The following CTNNA2 variants were observed in gnomAD, a reference collection of about 807,000 sequenced individuals.
CTNNA2 encodes the protein catenin alpha 2.
A neutral mutation model predicts 101.0 loss-of-function variants in CTNNA2; 42 were observed. The observed-to-expected ratio is 0.42, with a 90% CI of 0.32 to 0.54. CTNNA2 has a LOEUF of 0.54. CTNNA2 is among the 20% of genes least tolerant of loss of function. The pLI, the probability that CTNNA2 is intolerant of heterozygous loss-of-function variation, is 0.14. For missense variants in CTNNA2, 871 were observed against 1,223.1 expected, an observed-to-expected ratio of 0.71 and a Z score of 4.29; for synonymous variants, 450 against 456.4, an observed-to-expected ratio of 0.99 and a Z score of 0.18.
chr2:80,510,738 G>A (rs1490629078), intron 9 of CTNNA2, among the ~76,000 whole-genome samples: 1 of 152,186 alleles, frequency 6.6e-6, no homozygotes, highest in Admixed American at 6.5e-5. Flanking sequence ...TTAGGTTTCA[G>A]GGAAAGAATA....
In CTNNA2 at chr2:80,107,628, C is replaced by T. The variant is rs549442806; in HGVS notation, c.1056+197831C>T. ...GATGCCGAACAGAGCTCAGGACTCACGGAGTGTGGTGCCCAACAAAGGCTG... is the reference window on the plus strand; with the variant it reads ...GATGCCGAACAGAGCTCAGGACTCATGGAGTGTGGTGCCCAACAAAGGCTG... On this transcript the variant is annotated intron_variant, in intron 7 of 18. Transcript: ENST00000402739. 1.5e-4 allele frequency among the ~76,000 whole-genome samples: 23 copies of T among 152,364 alleles called. No individual in the cohort carries two copies. The South Asian group carries it at 3.9e-3, about 26-fold the overall frequency.
At chr2:79,910,560 T>A (rs1293881849) in intron 7 of CTNNA2, among the ~76,000 whole-genome samples, 1 of 152,212 alleles carries the variant, frequency 6.6e-6, no homozygotes, top group African/African-American at 2.4e-5. Flanking sequence ...GTGGATGATC[T>A]GTGCTTCCCC....
rs1281906645 is a variant in CTNNA2 at position 80,092,592 on chromosome 2, A to AT, written c.1056+182796dup. Among the ~76,000 whole-genome samples the AT allele has an allele frequency of 2.6e-5, 4 of 152,238 alleles. No individual in the cohort carries two copies. In the East Asian group the frequency reaches 7.7e-4, roughly 29 times the overall value. ...GTTAAGAGCATTGCTTCATTTCAAC[A>AT]TATCCTTTTTCAACATAGAAGACTG... On this transcript the variant is annotated intron_variant, in intron 7 of 18. Coordinates refer to ENST00000402739, the MANE Select transcript of CTNNA2 (RefSeq NM_001282597.3).
chr2:80,299,902 C>G (rs1272825559), intron 7 of CTNNA2, among the ~76,000 whole-genome samples: 1 of 152,154 alleles, frequency 6.6e-6, no homozygotes, highest in African/African-American at 2.4e-5. Context: ...ATTCCTGTAG[C>G]CTTCCTATGA....
chr2:80,128,530 C>T (rs1558834753), intron 7 of CTNNA2, among the ~76,000 whole-genome samples: 2 of 152,086 alleles, frequency 1.3e-5, no homozygotes, highest in Non-Finnish European at 2.9e-5. Context: ...AGTTAAAAGA[C>T]GGATAAATAA....
chr2:80,410,004 C>G (rs1679423051), intron 8 of CTNNA2, among the ~76,000 whole-genome samples: 1 of 152,156 alleles, frequency 6.6e-6, no homozygotes, highest in African/African-American at 2.4e-5. Context: ...AGGCACACAG[C>G]CTTCAAAGTC....
At chr2:79,313,016 C>T (rs558504314) in intron 3 of CTNNA2, among the ~76,000 whole-genome samples, 15 of 152,298 alleles carry the variant, frequency 9.8e-5, no homozygotes, top group Middle Eastern at 3.4e-3. Flanking sequence ...GTATTGGTCA[C>T]GTTTGTATCT....
At chr2:79,544,593 G>A (rs561129712) in intron 1 of CTNNA2, among the ~76,000 whole-genome samples, 2 of 152,252 alleles carry the variant, frequency 1.3e-5, no homozygotes, top group South Asian at 2.1e-4. Context: ...TTATGAAAGT[G>A]CAGGGACATA....
At chr2:80,087,129 A>G (rs1015552989) in intron 7 of CTNNA2, among the ~76,000 whole-genome samples, 2 of 152,050 alleles carry the variant, frequency 1.3e-5, no homozygotes, top group African/African-American at 2.4e-5. Flanking sequence ...TATAAAAGGC[A>G]GGCTGAACAG....
At chr2:80,058,766 A>G (rs1360426890) in intron 7 of CTNNA2, among the ~76,000 whole-genome samples, 1 of 152,102 alleles carries the variant, frequency 6.6e-6, no homozygotes, top group Non-Finnish European at 1.5e-5. Flanking sequence ...GCAACCACAG[A>G]GGTACAATGA....
chr2:79,749,199 G>T (rs901122044), intron 3 of CTNNA2, among the ~76,000 whole-genome samples: 7 of 151,996 alleles, frequency 4.6e-5, no homozygotes, highest in Non-Finnish European at 7.4e-5. Context: ...CATAGACAAG[G>T]AATGAATCTC....
At chr2:79,243,672 G>C (rs1674663072) in intron 2 of CTNNA2, among the ~76,000 whole-genome samples, 3 of 152,214 alleles carry the variant, frequency 2.0e-5, no homozygotes, top group Admixed American at 6.5e-5. Context: ...GAGAAGTGCA[G>C]AGCACTACAG....
At chr2:79,244,295 T>C (rs73938146) in intron 2 of CTNNA2, among the ~76,000 whole-genome samples, 5,497 of 152,350 alleles carry the variant, frequency 0.036, 274 homozygotes, top group African/African-American at 0.11. Flanking sequence ...TCATTGCTGC[T>C]GTGTGGACAA....
chr2:80,492,613 G>A (rs1189079291), intron 9 of CTNNA2, among the ~76,000 whole-genome samples: 1 of 152,090 alleles, frequency 6.6e-6, no homozygotes, highest in Non-Finnish European at 1.5e-5. Flanking sequence ...GCCTTTGATG[G>A]CCTAGCTTCT....
intron 9 of CTNNA2, among the ~76,000 whole-genome samples, chr2:80,534,561 C>T (rs1690825979): frequency 6.6e-6 from 1 of 152,112 alleles, no homozygotes; most frequent in South Asian, 2.1e-4. Context: ...GGGATTCTGT[C>T]CTGCAAGAAT....
intron 4 of CTNNA2, among the ~76,000 whole-genome samples, chr2:79,469,094 G>T (rs439771): frequency 0.68 from 101,600 of 149,694 alleles, 35,068 homozygotes; most frequent in African/African-American, 0.83. Flanking sequence ...CCAGGAGCTG[G>T]TTTGTTGAAA....
chr2:79,442,186 T>G (rs1034275113), intron 4 of CTNNA2, among the ~76,000 whole-genome samples: 2 of 152,232 alleles, frequency 1.3e-5, no homozygotes, highest in Non-Finnish European at 2.9e-5. Context: ...ATCCAACAAT[T>G]AGCACAAATC....
intron 7 of CTNNA2, among the ~76,000 whole-genome samples, chr2:80,218,728 A>T (rs547747824): frequency 4.6e-5 from 7 of 152,152 alleles, no homozygotes; most frequent in Non-Finnish European, 8.8e-5. Flanking sequence ...CTTAGTAAGG[A>T]CTCAATAAAT....
At chr2:80,497,553 G>A (rs993128259) in intron 9 of CTNNA2, among the ~76,000 whole-genome samples, 3 of 152,176 alleles carry the variant, frequency 2.0e-5, no homozygotes, top group African/African-American at 7.2e-5. Flanking sequence ...ATGGTAAGCC[G>A]ACTTCTCAGA....
Sources: gnomAD v4.1 joint callset for allele counts (sites outside exome capture counted in the v4.1 genomes callset) on GRCh38, gnomAD v4.1.1 for gene constraint, MANE v1.5 for transcripts, NCBI Gene and HGNC (gene_info 2026-07-23, HGNC 2026-07-21) for gene names.